The following XDH variants were observed in gnomAD, a reference collection of about 807,000 sequenced individuals.
XDH encodes the protein xanthine dehydrogenase/oxidase.
XDH carries 138 observed loss-of-function variants against 156.1 expected under a neutral mutation model. That is an observed-to-expected ratio of 0.88 (90% CI 0.77 to 1.02). The LOEUF (loss-of-function observed/expected upper bound fraction) is 1.02, where lower values mean the gene tolerates loss of function less well. XDH is among the 50% of genes least tolerant of loss of function. The pLI is 0.00. For missense variants in XDH, 1,849 were observed against 1,684.9 expected, an observed-to-expected ratio of 1.10 and a Z score of -1.71; for synonymous variants, 669 against 625.7, an observed-to-expected ratio of 1.07 and a Z score of -1.03.
rs765232428 is a variant in XDH, at chr2:31,368,596, G to T, written c.2045C>A (p.Ala682Asp). 1.2e-6 allele frequency: 2 copies of T among 1,614,088 alleles called. No individual in the cohort carries two copies. The highest frequency in any genetic ancestry group is 1.1e-5 in the South Asian group (1 of 91,084). The change falls in exon 19 of 36, where the codon GCT becomes GAT. Residue 682 changes from alanine (A) to aspartate (D), a missense_variant. Transcript: ENST00000379416. ...VADTPEHTQR[A>D]AQGVKITYEE... is the part of the protein sequence containing the mutation. ...ATAGGTGATTTTCACCCCTTGGGCAGCTCTCTGTGTGTGTTCCGGGGTGTC... is the reference window on the plus strand; with the variant it reads ...ATAGGTGATTTTCACCCCTTGGGCATCTCTCTGTGTGTGTTCCGGGGTGTC...
At chr2:31,400,324 C>T (rs1397813913) in intron 4 of XDH, among the ~76,000 whole-genome samples, 1 of 150,832 alleles carries the variant, frequency 6.6e-6, no homozygotes, top group Non-Finnish European at 1.5e-5. Flanking sequence ...CTGCAAGCTC[C>T]ATCTCCCAGG....
intron 31 of XDH, among the ~76,000 whole-genome samples, chr2:31,343,459 C>T (rs1685191921): frequency 7.8e-6 from 1 of 128,510 alleles, no homozygotes; most frequent in African/African-American, 3.1e-5. Context: ...ACATATATGC[C>T]TTATACATAT....
chr2:31,380,056 G>A, intron 12 of XDH, 80 bp from the exon 13 acceptor site: 1 of 1,385,040 alleles, frequency 7.2e-7, no homozygotes. Flanking sequence ...ATAACCATCA[G>A]TGGGATTCTT....
chr2:31,346,096 G>A (rs1255986952), intron 30 of XDH, among the ~76,000 whole-genome samples: 4 of 152,174 alleles, frequency 2.6e-5, no homozygotes, highest in African/African-American at 4.8e-5. Flanking sequence ...TTACTCTTCT[G>A]CCCAGTTCTA....
chr2:31,369,284 A>T (rs1686006325), intron 18 of XDH, among the ~76,000 whole-genome samples: 1 of 152,156 alleles, frequency 6.6e-6, no homozygotes, highest in Non-Finnish European at 1.5e-5. Flanking sequence ...AGTAGCTCTC[A>T]AATACTGGTT....
chr2:31,397,711 G>A lies in XDH; in HGVS notation c.452C>T (p.Thr151Ile), dbSNP rs975603455. Residue 151 changes from threonine to isoleucine, a missense_variant, in exon 6 of 36, where the codon ACA (threonine) becomes ATA (isoleucine). Physicochemically the swap from Thr to Ile is moderately conservative, Grantham distance 89 (BLOSUM62 -1). Transcript: ENST00000379416. ...NAFQGNLCRC[T>I]GYRPILQGFR... ...GCCCTGGAGGATGGGTCTGTAGCCT[G>A]TGCAGCGGCACAGATTTCCTGTGGG... is the stretch of plus-strand genomic sequence containing the variant. 6.2e-7 allele frequency: 1 copy of A among 1,614,206 alleles called. No homozygotes were observed. The highest frequency in any genetic ancestry group is 8.5e-7 in the Non-Finnish European group (1 of 1,180,036).
intron 16 of XDH, among the ~76,000 whole-genome samples, chr2:31,373,195 C>T (rs1686124249): frequency 6.6e-6 from 1 of 152,118 alleles, no homozygotes; most frequent in African/African-American, 2.4e-5. Context: ...GTAAGTTGTT[C>T]AAGGTTGCAC....
intron 6 of XDH, among the ~76,000 whole-genome samples, chr2:31,393,140 T>C (rs991670597): frequency 2.0e-5 from 3 of 152,226 alleles, no homozygotes; most frequent in Admixed American, 2.0e-4. Flanking sequence ...TAAATGTCAA[T>C]TATATCCAAT....
chr2:31,342,015 G>C (rs45486398), intron 32 of XDH, among the ~76,000 whole-genome samples, 168 bp downstream of exon 32: 1 of 152,138 alleles, frequency 6.6e-6, no homozygotes, highest in African/African-American at 2.4e-5. Flanking sequence ...TATGGCCCAC[G>C]AAGTCTAAAA....
chr2:31,377,130 C>T lies in XDH; in HGVS notation c.1350G>A (p.Gln450=). 6.2e-7 allele frequency: 1 copy of T among 1,614,150 alleles called. No homozygotes were observed. The highest frequency in any genetic ancestry group is 8.5e-7 in the Non-Finnish European group (1 of 1,180,044). ...VLFKPGTTEV[Q]ELALCYGGMA... ...TTCCACCATAGCAAAGGGCCAGCTC[C>T]TGTACCTCTGTGGTTCCTGGCTTGA... is the stretch of plus-strand genomic sequence containing the variant. The change falls in exon 14 of 36, where the codon CAG becomes CAA. Residue 450 remains glutamine, a synonymous_variant. Transcript: ENST00000379416.
chr2:31,382,173 C>T (rs1686452635), intron 11 of XDH, among the ~76,000 whole-genome samples: 1 of 152,110 alleles, frequency 6.6e-6, no homozygotes, highest in African/African-American at 2.4e-5. Flanking sequence ...GAATCAGATA[C>T]AGGGTTCTCG....
At chr2:31,342,648 A>G (rs1460295601) in intron 31 of XDH, among the ~76,000 whole-genome samples, 1 of 152,184 alleles carries the variant, frequency 6.6e-6, no homozygotes, top group African/African-American at 2.4e-5. Flanking sequence ...GATGTACTGA[A>G]TTAGAATCCA....
In XDH at chr2:31,348,906, A is replaced by G. The variant is rs1463624875; in HGVS notation, c.3044T>C (p.Leu1015Pro). The change falls in exon 27 of 36, where the codon CTG becomes CCG. Residue 1015 changes from leucine to proline, a missense_variant. Coordinates refer to ENST00000379416, the MANE Select transcript of XDH (RefSeq NM_000379.4). ...KFGISFTVPF[L>P]NQAGALLHVY... Reference sequence around the variant, plus strand: ...ATTCTATAAAGCAATTACCTGATTCAGAAAAGGAACTGTAAAGCTTATTCC... The same window carrying G: ...ATTCTATAAAGCAATTACCTGATTCGGAAAAGGAACTGTAAAGCTTATTCC... 4 of 1,612,916 alleles carry G rather than the reference A, an allele frequency of 2.5e-6. No individual in the cohort carries two copies. Among genetic ancestry groups the G allele is most frequent in the Non-Finnish European group, 3.4e-6 (4 of 1,178,922 alleles).
intron 7 of XDH, 45 bp from the exon 8 acceptor site, chr2:31,387,942 T>G: frequency 1.3e-6 from 2 of 1,539,858 alleles, no homozygotes; most frequent in Non-Finnish European, 1.8e-6. Context: ...TCTCCTCCTT[T>G]CAAACACCCA....
chr2:31,388,252 C>T lies in XDH; in HGVS notation c.539G>A (p.Cys180Tyr). The T allele has an allele frequency of 6.2e-7, 1 of 1,614,176 alleles. No homozygotes were observed. The highest frequency in any genetic ancestry group is 8.5e-7 in the Non-Finnish European group (1 of 1,180,028). Residue 180 changes from cysteine (C) to tyrosine (Y), a missense_variant, in exon 7 of 36, where the codon TGC becomes TAC. Physicochemically the swap from Cys to Tyr is radical, Grantham distance 194. Coordinates refer to ENST00000379416, the MANE Select transcript of XDH (RefSeq NM_000379.4). ...TGAGTGGTCTTTCTTCTGGTTCATG[C>T]AGCAATTTGGATTATTCCCATCTCC... ...CGGDGNNPNC[C>Y]MNQKKDHSVS...
intron 1 of XDH, among the ~76,000 whole-genome samples, chr2:31,410,549 TG>T (rs1284083036): frequency 6.6e-6 from 1 of 152,146 alleles, no homozygotes; most frequent in Non-Finnish European, 1.5e-5. Flanking sequence ...AGAAACGTGG[TG>T]GATAACACCT....
intron 31 of XDH, among the ~76,000 whole-genome samples, chr2:31,343,853 C>A (rs182988206): frequency 2.8e-5 from 4 of 143,228 alleles, no homozygotes; most frequent in Admixed American, 6.9e-5. Flanking sequence ...CATATACATA[C>A]GGAAAATAAA....
At chr2:31,375,075 G>T (rs1436910535) in intron 15 of XDH, among the ~76,000 whole-genome samples, 1 of 128,972 alleles carries the variant, frequency 7.8e-6, no homozygotes, top group Non-Finnish European at 1.5e-5. Context: ...GCCCAGGCTA[G>T]AGTGCAATGG....
chr2:31,407,232 G>C (rs1337058809), intron 1 of XDH, among the ~76,000 whole-genome samples: 1 of 152,168 alleles, frequency 6.6e-6, no homozygotes, highest in Non-Finnish European at 1.5e-5. Flanking sequence ...TAGGGGAAGA[G>C]ATAGGCTTAA....
Sources: gnomAD v4.1 joint callset for allele counts (sites outside exome capture counted in the v4.1 genomes callset) on GRCh38, gnomAD v4.1.1 for gene constraint, MANE v1.5 for transcripts, NCBI Gene and HGNC (gene_info 2026-07-23, HGNC 2026-07-21) for gene names.